Variants in CARMIL1 observed in about 807,000 individuals in gnomAD.
CARMIL1 encodes the protein capping protein regulator and myosin 1 linker 1, also known as F-actin-uncapping protein LRRC16A.
Under a neutral mutation model 177.1 loss-of-function variants are expected in CARMIL1, and 90 were observed. That is an observed-to-expected ratio of 0.51 (90% CI 0.43 to 0.61). The LOEUF (loss-of-function observed/expected upper bound fraction) is 0.61, where lower values mean the gene tolerates loss of function less well. CARMIL1 is among the 20% of genes least tolerant of loss of function. The pLI is 0.00. For synonymous variants in CARMIL1, 577 were observed against 606.2 expected, an observed-to-expected ratio of 0.95 and a Z score of 0.71; for missense variants, 1,380 against 1,667.0, an observed-to-expected ratio of 0.83 and a Z score of 3.00.
At chr6:25,416,298 G>A (rs1414017579) in intron 2 of CARMIL1, among the ~76,000 whole-genome samples, 1 of 152,070 alleles carries the variant, frequency 6.6e-6, no homozygotes, top group African/African-American at 2.4e-5. Context: ...TTTTTGGAAA[G>A]GTGAGCTTTG....
chr6:25,407,923 TTC>T (rs1227701895), intron 2 of CARMIL1, among the ~76,000 whole-genome samples: 1 of 152,174 alleles, frequency 6.6e-6, no homozygotes, highest in African/African-American at 2.4e-5. Flanking sequence ...CAGATTCTGA[TTC>T]AGCAGGTCTG....
At chr6:25,405,633 T>C (rs989569208) in intron 2 of CARMIL1, among the ~76,000 whole-genome samples, 6 of 152,238 alleles carry the variant, frequency 3.9e-5, no homozygotes, top group African/African-American at 1.4e-4. Flanking sequence ...TTGAACACAG[T>C]AGGCAAAAGG....
intron 3 of CARMIL1, among the ~76,000 whole-genome samples, chr6:25,424,425 C>T (rs1411020771): frequency 6.6e-6 from 1 of 152,136 alleles, no homozygotes; most frequent in Non-Finnish European, 1.5e-5. Flanking sequence ...GCCAAATTGA[C>T]CAAAGGTGGC....
At chr6:25,495,269 G>A (rs1027543566) in intron 16 of CARMIL1, 54 bp downstream of exon 16, 23 of 1,240,574 alleles carry the variant, frequency 1.9e-5, no homozygotes, top group East Asian at 1.7e-4. Context: ...TTATTTTTAC[G>A]AATGTGCTTG....
Position 25,279,611 on chromosome 6 carries a change from C to CTTT in CARMIL1, c.-173_-171dup. 15 of 533,772 alleles carry CTTT rather than the reference C, an allele frequency of 2.8e-5. No individual in the cohort carries two copies. The highest frequency in any genetic ancestry group is 3.7e-5 in the Non-Finnish European group (11 of 298,826). The allele number at this position is 533,772 out of a possible 1,614,324, so 33.1% of individuals were successfully genotyped here. ...GCAAATCCGCCTCGCATTTGCAACT[C>CTTT]TTTTTTTTTTTTTTGGTGGGGCGGG... On this transcript the variant is annotated 5_prime_UTR_variant, in exon 1 of 37. Transcript: ENST00000329474.
rs566782849 is a variant in CARMIL1, at chr6:25,412,120, C to T, written c.139-7994C>T. ...GGATAACTCTCTTCTTGGTTTACTA[C>T]TATTATAGACCTAAAATTTTATTAT... On this transcript the variant is annotated intron_variant, in intron 2 of 36. Transcript: ENST00000329474. Among the ~76,000 whole-genome samples, 10 of 152,320 alleles carry T rather than the reference C, an allele frequency of 6.6e-5. No homozygotes were observed. In the South Asian group the frequency reaches 1.7e-3, roughly 25 times the overall value.
intron 2 of CARMIL1, among the ~76,000 whole-genome samples, chr6:25,338,408 C>T (rs191705914): frequency 2.9e-4 from 44 of 152,220 alleles, no homozygotes; most frequent in Non-Finnish European, 4.9e-4. Flanking sequence ...AACTTTTGCC[C>T]CTTGGTAGAC....
intron 8 of CARMIL1, among the ~76,000 whole-genome samples, chr6:25,457,393 A>G (rs1303297988): frequency 6.6e-6 from 1 of 152,150 alleles, no homozygotes; most frequent in Non-Finnish European, 1.5e-5. Context: ...GGCCTCTAGG[A>G]ATGTCCTCAT....
intron 24 of CARMIL1, among the ~76,000 whole-genome samples, chr6:25,535,099 C>T (rs554347018): frequency 4.2e-4 from 64 of 152,176 alleles, no homozygotes; most frequent in African/African-American, 1.5e-3. Flanking sequence ...TGACTTGTAC[C>T]GTATTAATGA....
chr6:25,384,003 G>C (rs114622824), intron 2 of CARMIL1, among the ~76,000 whole-genome samples: 9,289 of 152,052 alleles, frequency 0.061, 318 homozygotes, highest in Non-Finnish European at 0.09. Flanking sequence ...CCATCCCCGG[G>C]TAATTTTTGT....
intron 2 of CARMIL1, among the ~76,000 whole-genome samples, chr6:25,325,298 T>C (rs796609559): frequency 7.2e-5 from 11 of 152,342 alleles, no homozygotes; most frequent in African/African-American, 2.6e-4. Context: ...TGAAAGGGTG[T>C]TGACATATTG....
At chr6:25,298,475 A>G (rs535892715) in intron 2 of CARMIL1, among the ~76,000 whole-genome samples, 76 of 152,320 alleles carry the variant, frequency 5.0e-4, no homozygotes, top group African/African-American at 1.8e-3. Flanking sequence ...TTTTAAAGAA[A>G]GGGTTCAAGT....
intron 2 of CARMIL1, among the ~76,000 whole-genome samples, chr6:25,351,061 G>C (rs1264579721): frequency 6.6e-6 from 1 of 152,118 alleles, no homozygotes; most frequent in Non-Finnish European, 1.5e-5. Flanking sequence ...TATTAAAGGG[G>C]TGTTGTATGT....
At chr6:25,494,420 T>C (rs1803502421) in intron 15 of CARMIL1, among the ~76,000 whole-genome samples, 1 of 152,252 alleles carries the variant, frequency 6.6e-6, no homozygotes, top group Admixed American at 6.5e-5. Flanking sequence ...CCTGTTTTTC[T>C]TAAACCCTTA....
Position 25,606,065 on chromosome 6 carries a change from T to C in CARMIL1, c.3639T>C (p.Pro1213=), listed in dbSNP as rs1453624882. Residue 1213 remains proline, a synonymous_variant, in exon 35 of 37, where the codon CCT becomes CCC. Transcript: ENST00000329474. ...VERSDGGGAV[P]KLHPGLPENR... ...AAGTGGCCTTTTTCATCTTAGTGCC[T>C]AAACTGCACCCAGGTCTTCCAGAGA... 1.9e-6 allele frequency: 3 copies of C among 1,612,072 alleles called. No individual in the cohort carries two copies. The African/African-American group carries it at 4.0e-5, about 22-fold the overall frequency.
intron 2 of CARMIL1, among the ~76,000 whole-genome samples, chr6:25,403,395 A>G (rs570185530): frequency 3.1e-4 from 47 of 151,590 alleles, no homozygotes; most frequent in African/African-American, 9.7e-4. Context: ...CCCTGCTTCC[A>G]CTCTCCTTCT....
chr6:25,290,046 T>G (rs925159145), intron 2 of CARMIL1, among the ~76,000 whole-genome samples: 1 of 152,162 alleles, frequency 6.6e-6, no homozygotes, highest in Non-Finnish European at 1.5e-5. Flanking sequence ...TTACCAGCAA[T>G]GTATGAGTGG....
At chr6:25,310,951 T>C (rs6456667) in intron 2 of CARMIL1, among the ~76,000 whole-genome samples, 30,931 of 151,794 alleles carry the variant, frequency 0.2, 4,024 homozygotes, top group East Asian at 0.4. Context: ...GTGGCCAAGG[T>C]GGGTGGATCA....
intron 24 of CARMIL1, among the ~76,000 whole-genome samples, chr6:25,534,119 C>CT (rs753011177): frequency 2.6e-3 from 380 of 143,578 alleles, no homozygotes; most frequent in East Asian, 5.6e-3. Flanking sequence ...CCTTCTACGT[C>CT]TTTTTTTTTT....
Sources: gnomAD v4.1 joint callset for allele counts (sites outside exome capture counted in the v4.1 genomes callset) on GRCh38, gnomAD v4.1.1 for gene constraint, MANE v1.5 for transcripts, NCBI Gene and HGNC (gene_info 2026-07-23, HGNC 2026-07-21) for gene names.